COLEC10: variants seen among roughly 807,000 people sequenced by gnomAD.
The protein encoded by COLEC10 is collectin-10.
COLEC10 carries 22 observed loss-of-function variants against 28.4 expected under a neutral mutation model. That is an observed-to-expected ratio of 0.78 (90% CI 0.55 to 1.11). The LOEUF is 1.11. COLEC10 is among the 50% of genes least tolerant of loss of function. The pLI, the probability that COLEC10 is intolerant of heterozygous loss-of-function variation, is 0.00. For missense variants in COLEC10, 361 were observed against 344.1 expected (o/e 1.05, Z -0.39); for synonymous variants, 125 against 116.1 (o/e 1.08, Z -0.49).
intron 2 of COLEC10, among the ~76,000 whole-genome samples, chr8:119,038,663 C>G (rs1336167513): frequency 2.6e-5 from 4 of 152,178 alleles, no homozygotes; most frequent in Non-Finnish European, 1.5e-5. Flanking sequence ...GATGTAGTAT[C>G]TAAATGGTAA....
At chr8:118,994,574 G>A (rs746298781), upstream of COLEC10, among the ~76,000 whole-genome samples, 1 of 152,128 alleles carries the variant, frequency 6.6e-6, no homozygotes, top group Admixed American at 6.6e-5. Context: ...AACAAAGTCG[G>A]CCAGAGGTTA....
intron 1 of COLEC10, among the ~76,000 whole-genome samples, chr8:119,085,722 G>A (rs200788673): frequency 2.7e-5 from 4 of 149,822 alleles, no homozygotes; most frequent in Non-Finnish European, 5.9e-5. Flanking sequence ...GAGTTCAAGC[G>A]ATCTCCTGCC....
At chr8:119,079,429 A>G (rs1050045949) in intron 1 of COLEC10, among the ~76,000 whole-genome samples, 8 of 152,170 alleles carry the variant, frequency 5.3e-5, no homozygotes, top group African/African-American at 1.9e-4. Flanking sequence ...TAACAACTGC[A>G]TTGCATTGCA....
chr8:119,067,521 TCTCTC>T, intron 1 of COLEC10, 92 bp downstream of exon 1: 6 of 1,196,506 alleles, frequency 5.0e-6, no homozygotes, highest in Non-Finnish European at 7.1e-6. Flanking sequence ...GACTTTCTCT[TCTCTC>T]CTCCCTAGTT....
chr8:119,049,696 G>A (rs372734422), intron 2 of COLEC10, among the ~76,000 whole-genome samples: 2 of 152,058 alleles, frequency 1.3e-5, no homozygotes, highest in African/African-American at 2.4e-5. Flanking sequence ...TTACAGGCGT[G>A]AGCCACCTCG....
the COLEC10 span, among the ~76,000 whole-genome samples, chr8:118,953,932 C>T: frequency 0.015 from 2,218 of 152,064 alleles, 41 homozygotes; most frequent in African/African-American, 0.051. Flanking sequence ...AGTATCATAA[C>T]GGTTATTATA....
chr8:118,956,655 AT>A, the COLEC10 span, among the ~76,000 whole-genome samples: 1 of 152,196 alleles, frequency 6.6e-6, no homozygotes, highest in Non-Finnish European at 1.5e-5. Flanking sequence ...CATATTTCAA[AT>A]AACTACTCAT....
rs577457589 is a variant in COLEC10 at position 119,096,723 on chromosome 8, A to G, written c.292+5503A>G. Among the ~76,000 whole-genome samples, 225 of 152,262 alleles carry G rather than the reference A, an allele frequency of 1.5e-3. 1 individual carries two copies. Among genetic ancestry groups the G allele is most frequent in the Non-Finnish European group, 3.0e-3 (202 of 68,010 alleles). The stretch of plus-strand genomic sequence containing the variant: ...AAAGGGCTTACATGTAAAACATATA[A>G]AGAGATTATACAAATCACTAAGAAA... On this transcript the variant is annotated intron_variant, in intron 3 of 5. Transcript: ENST00000332843.
At chr8:118,971,963 T>C in the COLEC10 span, among the ~76,000 whole-genome samples, 5 of 152,012 alleles carry the variant, frequency 3.3e-5, no homozygotes, top group Non-Finnish European at 1.5e-5. Flanking sequence ...CTAACCTCTA[T>C]CATTTTAAGA....
chr8:119,106,294 A>C lies in COLEC10; in HGVS notation c.*103A>C. On this transcript the variant is annotated 3_prime_UTR_variant, in exon 6 of 6. Coordinates refer to ENST00000332843, the MANE Select transcript of COLEC10 (RefSeq NM_006438.5). ...TGTACTACATTTGATCTGAGTCAAC[A>C]TAGCTAGAAAATGCTAAACTGAGGT... 7.9e-7 allele frequency: 1 copy of C among 1,268,562 alleles called. No homozygotes were observed. The highest frequency in any genetic ancestry group is 1.1e-6 in the Non-Finnish European group (1 of 918,838). 78.6% of individuals were successfully genotyped at this position (1,268,562 alleles called of 1,614,324 possible). A position where few individuals can be genotyped will look rare whatever the true frequency, so the allele number is the denominator to read the frequency against.
the COLEC10 span, among the ~76,000 whole-genome samples, chr8:118,965,381 C>G: frequency 6.6e-6 from 1 of 152,082 alleles, no homozygotes; most frequent in Non-Finnish European, 1.5e-5. Context: ...TGGCATAGTA[C>G]TTTTTACACT....
chr8:118,958,230 G>A, the COLEC10 span, among the ~76,000 whole-genome samples: 1 of 152,196 alleles, frequency 6.6e-6, no homozygotes, highest in Non-Finnish European at 1.5e-5. Context: ...TCATATTTCT[G>A]TAGGCTCCAC....
At chr8:119,008,483 T>TTTA (rs1281190062) in intron 1 of COLEC10, among the ~76,000 whole-genome samples, 1 of 149,448 alleles carries the variant, frequency 6.7e-6, no homozygotes, top group Non-Finnish European at 1.5e-5. Context: ...ACTTTTTATT[T>TTTA]TTTTTTTTGC....
chr8:118,977,768 T>TAAAC, the COLEC10 span, among the ~76,000 whole-genome samples: 3 of 150,146 alleles, frequency 2.0e-5, no homozygotes, highest in Non-Finnish European at 4.4e-5. Context: ...AATAAATAAA[T>TAAAC]AAATAATCAA....
At chr8:119,086,395 G>A (rs1306448344) in intron 1 of COLEC10, among the ~76,000 whole-genome samples, 3 of 151,874 alleles carry the variant, frequency 2.0e-5, no homozygotes, top group Non-Finnish European at 4.4e-5. Flanking sequence ...GAGGTGGGGG[G>A]GGTCCCTATC....
chr8:118,979,170 T>C, the COLEC10 span, among the ~76,000 whole-genome samples: 3 of 152,016 alleles, frequency 2.0e-5, no homozygotes, highest in Non-Finnish European at 4.4e-5. Context: ...TTATATGGTA[T>C]AAAGTAAGAT....
intron 2 of COLEC10, among the ~76,000 whole-genome samples, chr8:119,046,917 T>C (rs941179051): frequency 6.6e-6 from 1 of 152,154 alleles, no homozygotes; most frequent in Non-Finnish European, 1.5e-5. Flanking sequence ...GGTCCTAATA[T>C]ACACTGAACA....
chr8:119,094,961 C>T (rs974914050), intron 3 of COLEC10, among the ~76,000 whole-genome samples: 1 of 152,130 alleles, frequency 6.6e-6, no homozygotes, highest in African/African-American at 2.4e-5. Flanking sequence ...AGCCCTCTAT[C>T]AGCAATTCTA....
At chr8:119,100,923 G>A (rs1815812712) in intron 3 of COLEC10, among the ~76,000 whole-genome samples, 1 of 152,156 alleles carries the variant, frequency 6.6e-6, no homozygotes, top group African/African-American at 2.4e-5. Context: ...ACATGGCTCA[G>A]TTTAGAAAGG....
Sources: gnomAD v4.1 joint callset for allele counts (sites outside exome capture counted in the v4.1 genomes callset) on GRCh38, gnomAD v4.1.1 for gene constraint, MANE v1.5 for transcripts, NCBI Gene and HGNC (gene_info 2026-07-23, HGNC 2026-07-21) for gene names.